LSAMP: variants seen among roughly 807,000 people sequenced by gnomAD.
LSAMP encodes the protein limbic system associated membrane protein.
In LSAMP, 7 loss-of-function variants were observed where a neutral mutation model predicts 38.6. The ratio of observed to expected loss-of-function variants is 0.18; its 90% CI spans 0.10 to 0.34. LSAMP has a LOEUF of 0.34. Ranked by LOEUF, LSAMP falls within the 10% of genes least tolerant of loss-of-function variation. The pLI is 1.00. For missense variants in LSAMP, 313 were observed against 420.0 expected (o/e 0.75, Z 2.23); for synonymous variants, 154 against 166.8 (o/e 0.92, Z 0.59).
chr3:116,023,825 C>G lies in LSAMP; in HGVS notation c.389-4185G>C, dbSNP rs180992675. ...TTGGCCCTGCTTATCTCTCCAGCCT[C>G]ATTTCCTACTCCATTTGCATTGCAT... On this transcript the variant is annotated intron_variant, in intron 2 of 6. Coordinates refer to ENST00000490035, the MANE Select transcript of LSAMP (RefSeq NM_002338.5). 3.2e-3 allele frequency among the ~76,000 whole-genome samples: 492 copies of G among 152,300 alleles called. 7 individuals carry two copies. The highest frequency in any genetic ancestry group is 0.011 in the African/African-American group (473 of 41,562).
rs966041761 is a variant in LSAMP, at chr3:116,302,385, C to T, written c.155+142492G>A. Among the ~76,000 whole-genome samples the T allele has an allele frequency of 2.0e-5, 3 of 152,124 alleles. No individual in the cohort carries two copies. In the South Asian group the frequency reaches 6.2e-4, roughly 32 times the overall value. On this transcript the variant is annotated intron_variant, in intron 1 of 6. Coordinates refer to ENST00000490035, the MANE Select transcript of LSAMP (RefSeq NM_002338.5). ...AGTTCTCAGCCTTCATCTTTCTAAG[C>T]CCATAAATTGTTGTTTTTCCAACAG...
intron 6 of LSAMP, among the ~76,000 whole-genome samples, chr3:115,833,640 T>C (rs1287034292): frequency 6.6e-6 from 1 of 152,196 alleles, no homozygotes; most frequent in Non-Finnish European, 1.5e-5. Flanking sequence ...TCTTCAAACT[T>C]ATAAAACAGC....
chr3:116,276,705 G>A (rs1451155082), intron 1 of LSAMP, among the ~76,000 whole-genome samples: 1 of 150,876 alleles, frequency 6.6e-6, no homozygotes, highest in African/African-American at 2.4e-5. Flanking sequence ...AAAGAAAACA[G>A]GGTCCTTGCA....
chr3:116,192,465 T>C (rs1311737593), intron 1 of LSAMP, among the ~76,000 whole-genome samples: 1 of 152,224 alleles, frequency 6.6e-6, no homozygotes, highest in Non-Finnish European at 1.5e-5. Context: ...TCTTCTTTAG[T>C]AAACCTTTGT....
rs1710266750 is a variant in LSAMP at position 116,173,780 on chromosome 3, A to AC, written c.156-87225_156-87224insG. The stretch of plus-strand genomic sequence containing the variant: ...AAGAAATAGAAGAAGAGGGGAAAAC[A>AC]TTTTTTTTTTTTTTTTTAACAATTG... On this transcript the variant is annotated intron_variant, in intron 1 of 6. Transcript: ENST00000490035. Among the ~76,000 whole-genome samples the AC allele has an allele frequency of 1.1e-4, 3 of 27,566 alleles. No individual in the cohort carries two copies. The South Asian group carries it at 6.9e-3, about 64-fold the overall frequency. 18.1% of individuals were successfully genotyped at this position (27,566 alleles called of 152,430 possible).
intron 1 of LSAMP, among the ~76,000 whole-genome samples, chr3:116,255,909 A>T (rs76968362): frequency 0.024 from 3,674 of 151,962 alleles, 121 homozygotes; most frequent in African/African-American, 0.08. Flanking sequence ...TTATTTATTT[A>T]TTTTTTTTGG....
chr3:115,816,688 A>G (rs1934033541), intron 6 of LSAMP: 2 of 1,166,744 alleles, frequency 1.7e-6, no homozygotes, highest in Non-Finnish European at 2.3e-6. Context: ...CAAATAAAAA[A>G]TCTTTATCAA....
intron 6 of LSAMP, among the ~76,000 whole-genome samples, chr3:115,817,648 C>T (rs1239894188): frequency 6.6e-6 from 1 of 152,174 alleles, no homozygotes; most frequent in Non-Finnish European, 1.5e-5. Context: ...AGAGCCCAAA[C>T]TGCTGTTGGA....
intron 1 of LSAMP, among the ~76,000 whole-genome samples, chr3:116,172,443 C>T (rs577633203): frequency 2.8e-4 from 43 of 151,496 alleles, no homozygotes; most frequent in South Asian, 4.2e-4. Context: ...TATCTATAGA[C>T]GCTCAATATA....
At chr3:115,824,175 A>G (rs1274646234) in intron 6 of LSAMP, among the ~76,000 whole-genome samples, 1 of 152,218 alleles carries the variant, frequency 6.6e-6, no homozygotes, top group Non-Finnish European at 1.5e-5. Flanking sequence ...TCTCTGGGCT[A>G]TGCCACCTGA....
chr3:116,117,682 G>A (rs1052544086), intron 1 of LSAMP, among the ~76,000 whole-genome samples: 1 of 152,114 alleles, frequency 6.6e-6, no homozygotes, highest in Non-Finnish European at 1.5e-5. Flanking sequence ...ATGTGGTCAA[G>A]TATTTTGTGG....
intron 3 of LSAMP, among the ~76,000 whole-genome samples, chr3:115,965,931 T>C (rs1938795938): frequency 6.6e-6 from 1 of 152,164 alleles, no homozygotes; most frequent in Non-Finnish European, 1.5e-5. Flanking sequence ...TATAAATTAG[T>C]AGAACCACTG....
chr3:115,883,887 T>C (rs1367099502), intron 3 of LSAMP, among the ~76,000 whole-genome samples: 1 of 151,714 alleles, frequency 6.6e-6, no homozygotes, highest in Non-Finnish European at 1.5e-5. Flanking sequence ...AGAGAGTGAA[T>C]GGAATAGAAA....
At chr3:115,897,387 G>C (rs750709568) in intron 3 of LSAMP, among the ~76,000 whole-genome samples, 3 of 151,992 alleles carry the variant, frequency 2.0e-5, no homozygotes, top group Non-Finnish European at 2.9e-5. Flanking sequence ...TTGACATACA[G>C]TAGGCCCTCA....
chr3:116,148,052 A>G (rs78658772), intron 1 of LSAMP, among the ~76,000 whole-genome samples: 2,028 of 151,736 alleles, frequency 0.013, 15 homozygotes, highest in Non-Finnish European at 0.021. Context: ...GGTTTGTGCT[A>G]TGTTTAAATA....
At chr3:116,074,026 GGC>G (rs1249118509) in intron 2 of LSAMP, among the ~76,000 whole-genome samples, 1 of 152,140 alleles carries the variant, frequency 6.6e-6, no homozygotes, top group Non-Finnish European at 1.5e-5. Context: ...CCTGGATCCA[GGC>G]CTTACTGAAA....
At chr3:116,198,779 A>AAAAAAAAAAAT (rs1168876381) in intron 1 of LSAMP, among the ~76,000 whole-genome samples, 1 of 147,810 alleles carries the variant, frequency 6.8e-6, no homozygotes, top group South Asian at 2.2e-4. Context: ...TCAGAAAAAA[A>AAAAAAAAAAAT]AAGAAAATCA....
At chr3:116,125,731 A>C (rs1184099035) in intron 1 of LSAMP, among the ~76,000 whole-genome samples, 2 of 152,204 alleles carry the variant, frequency 1.3e-5, no homozygotes, top group African/African-American at 4.8e-5. Context: ...GGCTTTATAA[A>C]TTAGGGCAGT....
chr3:115,849,632 C>T (rs978965262), intron 4 of LSAMP, among the ~76,000 whole-genome samples: 3 of 152,014 alleles, frequency 2.0e-5, no homozygotes, highest in East Asian at 1.9e-4. Context: ...ATTTCATGGC[C>T]GGTAGGATTA....
Sources: gnomAD v4.1 joint callset for allele counts (sites outside exome capture counted in the v4.1 genomes callset) on GRCh38, gnomAD v4.1.1 for gene constraint, MANE v1.5 for transcripts, NCBI Gene and HGNC (gene_info 2026-07-23, HGNC 2026-07-21) for gene names.